The following ROBO2 variants were observed in gnomAD, a reference collection of about 807,000 sequenced individuals.
ROBO2 encodes roundabout guidance receptor 2.
Under a neutral mutation model 160.8 loss-of-function variants are expected in ROBO2, and 53 were observed. The observed-to-expected ratio is 0.33, with a 90% CI of 0.26 to 0.41. The LOEUF (loss-of-function observed/expected upper bound fraction) is 0.41, where lower values mean the gene tolerates loss of function less well. ROBO2 is among the 10% of genes least tolerant of loss of function. The probability of loss-of-function intolerance (pLI) is 1.00; values close to 1 mark genes in which losing one functional copy is unlikely to be tolerated. For synonymous variants in ROBO2, 664 were observed against 611.7 expected, an observed-to-expected ratio of 1.09 and a Z score of -1.26; for missense variants, 1,577 against 1,722.4, an observed-to-expected ratio of 0.92 and a Z score of 1.49.
intron 23 of ROBO2, chr3:77,632,632 G>C (rs1355652934): frequency 2.0e-6 from 3 of 1,535,458 alleles, no homozygotes; most frequent in African/African-American, 2.7e-5. Flanking sequence ...TTTTAGGCTG[G>C]ATGGAACCAG....
chr3:76,485,444 T>G (rs1245263503), intron 2 of ROBO2, among the ~76,000 whole-genome samples: 1 of 152,156 alleles, frequency 6.6e-6, no homozygotes, highest in East Asian at 1.9e-4. Flanking sequence ...TGAAGCTTTG[T>G]TCACTCGTCT....
At chr3:77,632,548 A>G (rs778104820) in intron 23 of ROBO2, 434 of 1,535,724 alleles carry the variant, frequency 2.8e-4, no homozygotes, top group Non-Finnish European at 3.7e-4. Context: ...TAGTGTAGGT[A>G]GCTCCTCAGA....
At chr3:76,366,228 AGGT>A (rs1283577001) in intron 2 of ROBO2, among the ~76,000 whole-genome samples, 6 of 152,062 alleles carry the variant, frequency 3.9e-5, no homozygotes, top group Non-Finnish European at 7.4e-5. Flanking sequence ...AAACCATTTA[AGGT>A]GGAATACTCC....
chr3:76,281,770 T>A (rs1421839761), intron 2 of ROBO2, among the ~76,000 whole-genome samples: 1 of 152,058 alleles, frequency 6.6e-6, no homozygotes, highest in African/African-American at 2.4e-5. Context: ...AGAGTCACTT[T>A]ATCTTAGCAC....
intron 2 of ROBO2, among the ~76,000 whole-genome samples, chr3:77,303,540 T>G (rs184002967): frequency 6.6e-6 from 1 of 152,278 alleles, no homozygotes; most frequent in Admixed American, 6.5e-5. Context: ...TGAAATAATA[T>G]ATATTTATTG....
intron 1 of ROBO2, among the ~76,000 whole-genome samples, chr3:77,043,224 A>G (rs1328898156): frequency 6.6e-6 from 1 of 152,084 alleles, no homozygotes; most frequent in East Asian, 1.9e-4. Context: ...TATGATTTCT[A>G]TTTACTTATT....
Position 76,057,328 on chromosome 3 carries a change from T to C in ROBO2, c.109+119726T>C, listed in dbSNP as rs183520044. Among the ~76,000 whole-genome samples, 168 of 152,322 alleles carry C rather than the reference T, an allele frequency of 1.1e-3. 2 individuals carry two copies. Among genetic ancestry groups the C allele is most frequent in the Non-Finnish European group, 1.8e-3 (121 of 68,032 alleles). On this transcript the variant is annotated intron_variant, in intron 2 of 26. Transcript: ENST00000487694. ...TGTTCCTTCAGTAATTCAATAAGTA[T>C]GATCCTCAGTACCTCAGGAGGAACA...
At chr3:77,292,956 G>T (rs2061496077) in intron 2 of ROBO2, among the ~76,000 whole-genome samples, 3 of 150,296 alleles carry the variant, frequency 2.0e-5, no homozygotes, top group Non-Finnish European at 3.0e-5. Flanking sequence ...GGTAAGCTGA[G>T]GCTAGATCAC....
chr3:77,382,865 T>C (rs1441690161), intron 2 of ROBO2, among the ~76,000 whole-genome samples: 2 of 152,230 alleles, frequency 1.3e-5, no homozygotes, highest in Non-Finnish European at 2.9e-5. Context: ...TTGTAAATTG[T>C]GCTGCAATAA....
chr3:77,576,672 A>G (rs148462667), intron 14 of ROBO2, among the ~76,000 whole-genome samples: 24 of 152,168 alleles, frequency 1.6e-4, no homozygotes, highest in African/African-American at 5.8e-4. Context: ...GTTATAGGAG[A>G]AACTATAAAG....
chr3:77,392,261 G>A (rs1038681187), intron 2 of ROBO2, among the ~76,000 whole-genome samples: 13 of 152,116 alleles, frequency 8.5e-5, no homozygotes, highest in Non-Finnish European at 1.3e-4. Flanking sequence ...CAACCTATTT[G>A]ACTCTGTCAG....
chr3:76,643,139 T>C (rs1395831971), intron 2 of ROBO2, among the ~76,000 whole-genome samples: 1 of 152,178 alleles, frequency 6.6e-6, no homozygotes, highest in Non-Finnish European at 1.5e-5. Flanking sequence ...TTTTCAGGAA[T>C]GCAAGAAACT....
At chr3:75,960,127 G>T (rs1398618836) in intron 2 of ROBO2, among the ~76,000 whole-genome samples, 1 of 151,680 alleles carries the variant, frequency 6.6e-6, no homozygotes, top group African/African-American at 2.4e-5. Context: ...TGGAAAATTG[G>T]GGTCACTGAC....
chr3:76,330,588 A>G (rs2073406905), intron 2 of ROBO2, among the ~76,000 whole-genome samples: 2 of 152,240 alleles, frequency 1.3e-5, no homozygotes, highest in Non-Finnish European at 2.9e-5. Flanking sequence ...TGCAATCCTC[A>G]TTCTTATAAC....
intron 2 of ROBO2, among the ~76,000 whole-genome samples, chr3:76,834,203 TTC>T (rs1171593185): frequency 3.4e-5 from 5 of 148,682 alleles, no homozygotes; most frequent in African/African-American, 1.2e-4. Context: ...CTTTCTTTCT[TTC>T]TTTCTTGTTT....
intron 2 of ROBO2, among the ~76,000 whole-genome samples, chr3:76,415,445 C>A (rs528190665): frequency 6.6e-6 from 1 of 152,164 alleles, no homozygotes; most frequent in Non-Finnish European, 1.5e-5. Flanking sequence ...TGCATGGTGA[C>A]ATAGCTCATT....
At chr3:77,250,280 T>C (rs1474092301) in intron 2 of ROBO2, among the ~76,000 whole-genome samples, 1 of 152,196 alleles carries the variant, frequency 6.6e-6, no homozygotes, top group African/African-American at 2.4e-5. Flanking sequence ...TAAGGCTACC[T>C]GGTAAGATCA....
chr3:77,237,409 TTTTGTG>T (rs1439737888), intron 2 of ROBO2, among the ~76,000 whole-genome samples: 1 of 39,794 alleles, frequency 2.5e-5, no homozygotes, highest in African/African-American at 6.4e-5. Flanking sequence ...TTTTGTTTTG[TTTTGTG>T]TGTGTGTGTG....
intron 2 of ROBO2, among the ~76,000 whole-genome samples, chr3:76,432,001 A>G (rs1027120359): frequency 2.0e-5 from 3 of 152,318 alleles, no homozygotes; most frequent in Admixed American, 6.5e-5. Flanking sequence ...GCTTAGAAGC[A>G]TTAGAATCCC....
Sources: allele counts gnomAD v4.1 joint callset (sites outside exome capture counted in the v4.1 genomes callset), GRCh38; gene constraint gnomAD v4.1.1; transcripts MANE v1.5; gene names NCBI Gene and HGNC (gene_info 2026-07-23, HGNC 2026-07-21).